The following FGF13 variants were observed in gnomAD, a reference collection of about 807,000 sequenced individuals.
FGF13 encodes fibroblast growth factor homologous factor 2.
Under a neutral mutation model 19.5 loss-of-function variants are expected in FGF13, and 2 were observed. The observed-to-expected ratio is 0.10, with a 90% CI of 0.04 to 0.32. FGF13 has a LOEUF of 0.32. FGF13 is among the 10% of genes least tolerant of loss of function. The pLI, the probability that FGF13 is intolerant of heterozygous loss-of-function variation, is 1.00. For missense variants in FGF13, 113 were observed against 192.7 expected (o/e 0.59, Z 2.45); for synonymous variants, 72 against 76.9 (o/e 0.94, Z 0.33).
chrX:139,120,040 T>G (rs1459192034), intron 1 of FGF13, among the ~76,000 whole-genome samples: 1 of 111,809 alleles, frequency 8.9e-6, no homozygotes, highest in Admixed American at 9.4e-5. Context: ...TTGAGGGAGT[T>G]CTCAGGAGAT....
chrX:139,037,869 T>C (rs1184096383), intron 1 of FGF13, among the ~76,000 whole-genome samples: 1 of 111,878 alleles, frequency 8.9e-6, no homozygotes, highest in East Asian at 2.8e-4. Context: ...AGCACAATTA[T>C]ATATTAGATG....
chrX:139,045,961 A>G (rs946443463), intron 1 of FGF13, among the ~76,000 whole-genome samples: 4 of 111,766 alleles, frequency 3.6e-5, no homozygotes, highest in Admixed American at 1.9e-4. Flanking sequence ...TTGCTTCCAC[A>G]TTCTCAGTCA....
chrX:139,198,745 T>C (rs902739798), intron 1 of FGF13, among the ~76,000 whole-genome samples: 2 of 111,018 alleles, frequency 1.8e-5, no homozygotes, highest in Non-Finnish European at 1.9e-5. Context: ...TTTTCAGAAT[T>C]AATACTCTGG....
chrX:138,746,833 CCTT>C (rs2090360055), intron 3 of FGF13, among the ~76,000 whole-genome samples: 1 of 112,263 alleles, frequency 8.9e-6, no homozygotes, highest in Non-Finnish European at 1.9e-5. Flanking sequence ...GGGGTGGTTT[CCTT>C]CTTATTATTC....
Position 138,631,174 on chromosome X carries a change from GA to G in FGF13, c.*1675del, listed in dbSNP as rs1209114971. The G allele has an allele frequency of 9.0e-6, 1 of 111,438 alleles. No homozygotes were observed. Among genetic ancestry groups the G allele is most frequent in the Admixed American group, 9.6e-5 (1 of 10,441 alleles). 9.2% of individuals were successfully genotyped at this position (111,438 alleles called of 1,213,427 possible). A position where few individuals can be genotyped will look rare whatever the true frequency, so the allele number is the denominator to read the frequency against. The stretch of plus-strand genomic sequence containing the variant: ...GACAATGCAGCTTTGGGGAGCTAGA[GA>G]AAAGTCATCAACATTTAAAAAAATT... On this transcript the variant is annotated 3_prime_UTR_variant, in exon 5 of 5. Coordinates refer to ENST00000315930, the MANE Select transcript of FGF13 (RefSeq NM_004114.5).
chrX:138,722,280 G>C (rs893079783), intron 1 of FGF13, among the ~76,000 whole-genome samples: 5 of 111,485 alleles, frequency 4.5e-5, no homozygotes, highest in African/African-American at 1.6e-4. Flanking sequence ...TAAAAAAGTA[G>C]CAACAATTTT....
intron 1 of FGF13, among the ~76,000 whole-genome samples, chrX:139,018,730 G>A (rs1224077568): frequency 9.0e-6 from 1 of 110,765 alleles, no homozygotes; most frequent in Non-Finnish European, 1.9e-5. Context: ...GGGCCTTTGA[G>A]GCAGAAGGGA....
intron 1 of FGF13, among the ~76,000 whole-genome samples, chrX:139,115,230 CT>C (rs1342214246): frequency 8.9e-6 from 1 of 112,044 alleles, no homozygotes; most frequent in Non-Finnish European, 1.9e-5. Flanking sequence ...TCCTTCCAGT[CT>C]GTTTCAAATC....
chrX:138,897,364 T>G (rs1313206049), intron 1 of FGF13, among the ~76,000 whole-genome samples: 1 of 111,019 alleles, frequency 9.0e-6, no homozygotes, highest in African/African-American at 3.3e-5. Flanking sequence ...TCCTTTGGCT[T>G]GCATATTGGA....
At chrX:139,065,838 GA>G (rs2092354428) in intron 1 of FGF13, among the ~76,000 whole-genome samples, 1 of 111,419 alleles carries the variant, frequency 9.0e-6, no homozygotes, top group Admixed American at 9.6e-5. Flanking sequence ...GACATCTACA[GA>G]ACTCTGCACC....
At chrX:138,864,548 G>A (rs2091307005) in intron 2 of FGF13, 1 of 112,085 alleles carries the variant, frequency 8.9e-6, no homozygotes, top group African/African-American at 3.2e-5. Context: ...AGCAAAAAGG[G>A]GAGGTTGGGG....
chrX:138,817,948 C>T lies in FGF13; in HGVS notation c.217+39564G>A, dbSNP rs199815700. ...ATATGAAAGTGAATAAGTATGGATGCGTTCCAGTAAACTATTATTACCAAA... is the reference window on the plus strand; with the variant it reads ...ATATGAAAGTGAATAAGTATGGATGTGTTCCAGTAAACTATTATTACCAAA... On this transcript the variant is annotated intron_variant, in intron 3 of 6. Transcript: ENST00000436198. 3.6e-5 allele frequency among the ~76,000 whole-genome samples: 4 copies of T among 111,653 alleles called. No homozygotes were observed. The East Asian group carries it at 8.5e-4, about 24-fold the overall frequency.
chrX:139,054,192 G>A (rs1280147828), intron 1 of FGF13, among the ~76,000 whole-genome samples: 7 of 96,266 alleles, frequency 7.3e-5, no homozygotes, highest in Admixed American at 3.7e-4. Flanking sequence ...GCGCGATCTC[G>A]GCTCACTGCA....
chrX:138,730,730 A>G (rs2090224091), intron 1 of FGF13, among the ~76,000 whole-genome samples: 1 of 111,744 alleles, frequency 8.9e-6, no homozygotes, highest in South Asian at 3.7e-4. Flanking sequence ...ATCCAAACAC[A>G]TCAACAATTA....
chrX:138,687,162 A>G (rs1202099825), intron 3 of FGF13, among the ~76,000 whole-genome samples: 1 of 112,246 alleles, frequency 8.9e-6, no homozygotes, highest in Non-Finnish European at 1.9e-5. Flanking sequence ...ACATGAAGCT[A>G]AAAAGTTCCT....
At chrX:138,769,001 A>G (rs2124340517) in intron 3 of FGF13, among the ~76,000 whole-genome samples, 1 of 109,824 alleles carries the variant, frequency 9.1e-6, no homozygotes, top group South Asian at 3.9e-4. Context: ...TGAGTAGTTA[A>G]TATCCTGCAT....
At chrX:138,849,890 T>C (rs1320049242) in intron 3 of FGF13, among the ~76,000 whole-genome samples, 1 of 111,799 alleles carries the variant, frequency 8.9e-6, no homozygotes, top group African/African-American at 3.2e-5. Flanking sequence ...ATTCATCTAG[T>C]AGAACTTTCA....
At chrX:139,185,118 A>G (rs1190270621) in intron 1 of FGF13, among the ~76,000 whole-genome samples, 1 of 112,287 alleles carries the variant, frequency 8.9e-6, no homozygotes, top group African/African-American at 3.2e-5. Context: ...TATCCATGGG[A>G]AAAGGGGGTG....
chrX:138,896,853 C>T (rs1016515628), intron 1 of FGF13, among the ~76,000 whole-genome samples: 1 of 111,802 alleles, frequency 8.9e-6, no homozygotes, highest in African/African-American at 3.3e-5. Context: ...CTCAGGACAC[C>T]ACTGCAGTAG....
Sources: gnomAD v4.1 joint callset for allele counts (sites outside exome capture counted in the v4.1 genomes callset) on GRCh38, gnomAD v4.1.1 for gene constraint, MANE v1.5 for transcripts, NCBI Gene and HGNC (gene_info 2026-07-23, HGNC 2026-07-21) for gene names.